The following DNAAF3 variants were observed in gnomAD, a reference collection of about 807,000 sequenced individuals.
DNAAF3 encodes dynein axonemal assembly factor 3.
In DNAAF3, 40 loss-of-function variants were observed where a neutral mutation model predicts 50.9. The ratio of observed to expected loss-of-function variants is 0.79; its 90% CI spans 0.61 to 1.02. DNAAF3 has a LOEUF of 1.02. DNAAF3 is among the 50% of genes least tolerant of loss of function. The pLI is 0.00. For synonymous variants in DNAAF3, 327 were observed against 322.8 expected, an observed-to-expected ratio of 1.01 and a Z score of -0.14; for missense variants, 763 against 744.7, an observed-to-expected ratio of 1.02 and a Z score of -0.29.
chr19:55,161,323 C>A lies in DNAAF3; in HGVS notation c.759G>T (p.Arg253=), dbSNP rs1007343163. The part of the protein sequence containing the change: ...RDSSAYHVPN[R]TLASGRLLSY... ...TCAGGAGGCGACCGGACGCCAGGGT[C>A]CGGTTGGGCACATGATAGGCGCTGG... Residue 253 remains arginine (R), a synonymous_variant, in exon 7 of 12, where the codon CGG becomes CGT. Transcript: ENST00000524407. This position sits in a 1 kb window ranked among gnomAD's most constrained non-coding sequence, Gnocchi z 6.4. The A allele has an allele frequency of 6.2e-7, 1 of 1,611,194 alleles. No homozygotes were observed. The highest frequency in any genetic ancestry group is 1.3e-5 in the African/African-American group (1 of 74,680).
chr19:55,161,128 C>T lies in DNAAF3; in HGVS notation c.849G>A (p.Val283=), dbSNP rs2085821049. 2 of 1,548,556 alleles carry T rather than the reference C, an allele frequency of 1.3e-6. No individual in the cohort carries two copies. The highest frequency in any genetic ancestry group is 1.8e-4 in the Middle Eastern group (1 of 5,432). Reference sequence around the variant, plus strand: ...CGTCGTCCGCTTCGATGCCGAAGGCCACGAAGGGCCCCGTGGCGATGTCCC... The same window carrying T: ...CGTCGTCCGCTTCGATGCCGAAGGCTACGAAGGGCCCCGTGGCGATGTCCC... ...YWGDIATGPF[V]AFGIEADDES... Residue 283 remains valine (V), a synonymous_variant, in exon 8 of 12, where the codon GTG becomes GTA. Transcript: ENST00000524407. This position sits in a 1 kb window ranked among gnomAD's most constrained non-coding sequence, Gnocchi z 6.4.
In DNAAF3 at chr19:55,161,899, T is replaced by C; in HGVS notation, c.481-74A>G. 1 of 1,360,652 alleles carries C rather than the reference T, an allele frequency of 7.3e-7. No homozygotes were observed. Among genetic ancestry groups the C allele is most frequent in the African/African-American group, 1.5e-5 (1 of 65,234 alleles). The allele number at this position is 1,360,652 out of a possible 1,614,324, so 84.3% of individuals were successfully genotyped here. ...AGGGAGAGCGGATTCTAATTGACCC[T>C]CTCTTCCATCCCAGAACAGGGGAAC... On this transcript the variant is annotated intron_variant, in intron 5 of 11. Transcript: ENST00000524407. This position sits in a 1 kb window ranked among gnomAD's most constrained non-coding sequence, Gnocchi z 6.4.
chr19:55,166,155 C>T lies in DNAAF3; in HGVS notation c.86-155G>A, dbSNP rs3848619. On this transcript the variant is annotated intron_variant, in intron 2 of 11. Coordinates refer to ENST00000524407, the MANE Select transcript of DNAAF3 (RefSeq NM_001256715.2). This position sits in a 1 kb window ranked among gnomAD's most constrained non-coding sequence, Gnocchi z 4.0. ...TTTCCTCTGAGTATTCTGGGATTCGCAGTCCGCAGACAGGACCTCGGGGCT... is the reference window on the plus strand; with the variant it reads ...TTTCCTCTGAGTATTCTGGGATTCGTAGTCCGCAGACAGGACCTCGGGGCT... 532,710 of 1,551,896 alleles carry T rather than the reference C, an allele frequency of 0.34. 94,849 individuals carry two copies. The highest frequency in any genetic ancestry group is 0.5 in the Admixed American group (25,842 of 51,198).
At position 55,161,714 on chromosome 19, in the gene DNAAF3, G is replaced by GGTAGTGGC; in HGVS notation, c.584_591dup (p.Leu198AlafsTer21). 6.5e-7 allele frequency: 1 copy of GGTAGTGGC among 1,541,556 alleles called. No homozygotes were observed. ...CGCCGGGCGTCGTAGCGGGAGCCCA[G>GGTAGTGGC]GTAGTGGCGCAGGCGCGAGTCCCAG... On this transcript the variant is annotated frameshift_variant, in exon 6 of 12. Coordinates refer to ENST00000524407, the MANE Select transcript of DNAAF3 (RefSeq NM_001256715.2). LOFTEE classifies it high-confidence loss of function. The surrounding 1 kb of genome is among the most constrained non-coding windows in gnomAD (Gnocchi z 6.4).
chr19:55,166,089 A>G lies in DNAAF3; in HGVS notation c.86-89T>C. 6.2e-7 allele frequency: 1 copy of G among 1,605,410 alleles called. No individual in the cohort carries two copies. The highest frequency in any genetic ancestry group is 8.5e-7 in the Non-Finnish European group (1 of 1,175,970). ...CTATAAAAAATGGACTACAAATCCC[A>G]GTAGGCGTTCCGCCCGTGGCCTAGG... On this transcript the variant is annotated intron_variant, in intron 2 of 11. Transcript: ENST00000524407. This position sits in a 1 kb window ranked among gnomAD's most constrained non-coding sequence, Gnocchi z 4.0.
In DNAAF3 at chr19:55,159,098, C is replaced by T. The variant is rs368857479; in HGVS notation, c.1590G>A (p.Pro530=). The part of the protein sequence containing the change: ...VLAQPQGALA[P]PNCESDSKTG... ...TTTTGGAGTCTGACTCACAGTTGGG[C>T]GGAGCCAAGGCCCCCTGAGGCTGAG... Residue 530 remains proline, a synonymous_variant, in exon 12 of 12, where the codon CCG becomes CCA. Coordinates refer to ENST00000524407, the MANE Select transcript of DNAAF3 (RefSeq NM_001256715.2). The T allele has an allele frequency of 1.7e-5, 28 of 1,608,352 alleles. No individual in the cohort carries two copies. The highest frequency in any genetic ancestry group is 2.1e-5 in the Non-Finnish European group (25 of 1,176,888).
rs1461693705 is a variant in DNAAF3, at chr19:55,166,396, G to T, written c.18C>A (p.Gly6=). 1.2e-6 allele frequency: 2 copies of T among 1,613,714 alleles called. No homozygotes were observed. The highest frequency in any genetic ancestry group is 1.7e-6 in the Non-Finnish European group (2 of 1,179,914). Reference sequence around the variant, plus strand: ...ACACGGAGCCGAAGCCGCTGCCGGAGCCGGCAGGTGTGGTCATCACCCTGC... The same window carrying T: ...ACACGGAGCCGAAGCCGCTGCCGGATCCGGCAGGTGTGGTCATCACCCTGC... MTTPA[G]SGSGFGSVSW... The change falls in exon 2 of 12, where the codon GGC becomes GGA. Residue 6 remains glycine, a synonymous_variant. Coordinates refer to ENST00000524407, the MANE Select transcript of DNAAF3 (RefSeq NM_001256715.2). The surrounding 1 kb of genome is among the most constrained non-coding windows in gnomAD (Gnocchi z 4.0).
chr19:55,162,484 G>T lies in DNAAF3; in HGVS notation c.323-194C>A, dbSNP rs1008601849. Reference sequence around the variant, plus strand: ...CGCCTGTAATCCCAGTTACTCGGGAGGCTGAGGCAGGAGAATCGCTTGAAC... The same window carrying T: ...CGCCTGTAATCCCAGTTACTCGGGATGCTGAGGCAGGAGAATCGCTTGAAC... On this transcript the variant is annotated intron_variant, in intron 4 of 11. Coordinates refer to ENST00000524407, the MANE Select transcript of DNAAF3 (RefSeq NM_001256715.2). The T allele has an allele frequency of 3.7e-6, 3 of 815,038 alleles. No homozygotes were observed. The African/African-American group carries it at 5.4e-5, about 15-fold the overall frequency. The allele number at this position is 815,038 out of a possible 1,614,324, so 50.5% of individuals were successfully genotyped here.
At position 55,160,878 on chromosome 19, in the gene DNAAF3, T is replaced by C. The variant is rs898853677; in HGVS notation, c.913-103A>G. 7 of 1,487,758 alleles carry C rather than the reference T, an allele frequency of 4.7e-6. No homozygotes were observed. The highest frequency in any genetic ancestry group is 6.2e-6 in the Non-Finnish European group (7 of 1,124,022). The allele number at this position is 1,487,758 out of a possible 1,614,324, so 92.2% of individuals were successfully genotyped here. ...CCAGGACTAGAACTCCCGCAGCTGC[T>C]TGGAGGATGTGAAGTGGGGCGGGAC... On this transcript the variant is annotated intron_variant, in intron 8 of 11. Coordinates refer to ENST00000524407, the MANE Select transcript of DNAAF3 (RefSeq NM_001256715.2). The surrounding 1 kb of genome is among the most constrained non-coding windows in gnomAD (Gnocchi z 4.7).
chr19:55,166,147 G>A lies in DNAAF3; in HGVS notation c.86-147C>T. 1 of 1,555,384 alleles carries A rather than the reference G, an allele frequency of 6.4e-7. No homozygotes were observed. Among genetic ancestry groups the A allele is most frequent in the East Asian group, 2.4e-5 (1 of 41,290 alleles). ...GGGAGGTGTTTCCTCTGAGTATTCT[G>A]GGATTCGCAGTCCGCAGACAGGACC... On this transcript the variant is annotated intron_variant, in intron 2 of 11. Coordinates refer to ENST00000524407, the MANE Select transcript of DNAAF3 (RefSeq NM_001256715.2). This position sits in a 1 kb window ranked among gnomAD's most constrained non-coding sequence, Gnocchi z 4.0.
chr19:55,162,177 G>A lies in DNAAF3; in HGVS notation c.436C>T (p.Arg146Cys), dbSNP rs920046859. 8.0e-7 allele frequency: 1 copy of A among 1,252,700 alleles called. No individual in the cohort carries two copies. The highest frequency in any genetic ancestry group is 1.0e-6 in the Non-Finnish European group (1 of 991,290). The allele number at this position is 1,252,700 out of a possible 1,614,324, so 77.6% of individuals were successfully genotyped here. A position where few individuals can be genotyped will look rare whatever the true frequency, so the allele number is the denominator to read the frequency against. Residue 146 changes from arginine to cysteine, a missense_variant, in exon 5 of 12, where the codon CGC becomes TGC. Transcript: ENST00000524407. ...LLAHLVPEPD[R>C]LEEQLPWLSL... ...AGCCAGGGCAGCTGTTCCTCCAGGC[G>A]GTCGGGCTCGGGGACCAGGTGCGCC... is the stretch of plus-strand genomic sequence containing the variant.
In DNAAF3 at chr19:55,165,922, A is replaced by T. The variant is rs761210447; in HGVS notation, c.164T>A (p.Val55Glu). 6.2e-7 allele frequency: 1 copy of T among 1,614,052 alleles called. No homozygotes were observed. Among genetic ancestry groups the T allele is most frequent in the Non-Finnish European group, 8.5e-7 (1 of 1,180,026 alleles). The change falls in exon 3 of 12, where the codon GTG becomes GAG. Residue 55 changes from valine (V) to glutamate (E), a missense_variant. Physicochemically the swap from Val to Glu is moderately radical, Grantham distance 121. Transcript: ENST00000524407. Reference sequence around the variant, plus strand: ...GGTCCGCAGCAGGTGCCGTCCATCCACAGAGCCCAGAAGCAGCACATCTAG... The same window carrying T: ...GGTCCGCAGCAGGTGCCGTCCATCCTCAGAGCCCAGAAGCAGCACATCTAG... ...PELDVLLLGS[V>E]DGRHLLRTLS...
In DNAAF3 at chr19:55,161,829, C is replaced by T. The variant is rs1431269121; in HGVS notation, c.481-4G>A. 2.1e-6 allele frequency: 3 copies of T among 1,432,166 alleles called. No individual in the cohort carries two copies. The highest frequency in any genetic ancestry group is 1.8e-6 in the Non-Finnish European group (2 of 1,094,834). 88.7% of individuals were successfully genotyped at this position (1,432,166 alleles called of 1,614,324 possible). A position where few individuals can be genotyped will look rare whatever the true frequency, so the allele number is the denominator to read the frequency against. On this transcript the variant is annotated splice_region_variant and splice_polypyrimidine_tract_variant and intron_variant, in intron 5 of 11. Coordinates refer to ENST00000524407, the MANE Select transcript of DNAAF3 (RefSeq NM_001256715.2). The surrounding 1 kb of genome is among the most constrained non-coding windows in gnomAD (Gnocchi z 6.4). Reference sequence around the variant, plus strand: ...CCAGGGCATCCCGCTCGCGGAACTGCGGGGCCAGGCACGCGGTGGGACAGA... The same window carrying T: ...CCAGGGCATCCCGCTCGCGGAACTGTGGGGCCAGGCACGCGGTGGGACAGA...
chr19:55,163,772 A>G (rs767706496), intron 4 of DNAAF3, among the ~76,000 whole-genome samples: 63 of 152,230 alleles, frequency 4.1e-4, no homozygotes, highest in Admixed American at 7.2e-4. Context: ...GAAGAGAACT[A>G]TGTGCCTTTA....
At position 55,166,456 on chromosome 19, in the gene DNAAF3, G is replaced by T; in HGVS notation, c.-4-39C>A. On this transcript the variant is annotated intron_variant, in intron 1 of 11. Coordinates refer to ENST00000524407, the MANE Select transcript of DNAAF3 (RefSeq NM_001256715.2). This position sits in a 1 kb window ranked among gnomAD's most constrained non-coding sequence, Gnocchi z 4.0. ...ATTCTGGGAATCGCACACATTGCCC[G>T]CCCCGCTCCCCTCTCACCGCCCCTC... 6.2e-7 allele frequency: 1 copy of T among 1,612,848 alleles called. No individual in the cohort carries two copies. The highest frequency in any genetic ancestry group is 8.5e-7 in the Non-Finnish European group (1 of 1,179,102).
chr19:55,162,123 G>A lies in DNAAF3; in HGVS notation c.480+10C>T, dbSNP rs1389141522. 5 of 1,245,714 alleles carry A rather than the reference G, an allele frequency of 4.0e-6. No individual in the cohort carries two copies. The highest frequency in any genetic ancestry group is 5.0e-6 in the Non-Finnish European group (5 of 990,530). 77.2% of individuals were successfully genotyped at this position (1,245,714 alleles called of 1,614,324 possible). ...CCACCCGATCCCAGATGGAGGCCGGGCGGCGGCACCTTGAGGGCGCGGAGG... is the reference window on the plus strand; with the variant it reads ...CCACCCGATCCCAGATGGAGGCCGGACGGCGGCACCTTGAGGGCGCGGAGG... On this transcript the variant is annotated intron_variant, in intron 5 of 11. Coordinates refer to ENST00000524407, the MANE Select transcript of DNAAF3 (RefSeq NM_001256715.2).
intron 4 of DNAAF3, 21 bp from the exon 5 acceptor site, chr19:55,162,311 T>C (rs567554040): frequency 8.0e-7 from 1 of 1,249,598 alleles, no homozygotes; most frequent in East Asian, 3.2e-5. Context: ...AGGGAGATAA[T>C]TGCGGGAATG....
Position 55,160,759 on chromosome 19 carries a change from G to C in DNAAF3, c.929C>G (p.Thr310Ser), listed in dbSNP as rs781136508. 9.3e-6 allele frequency: 15 copies of C among 1,611,430 alleles called. No homozygotes were observed. In the African/African-American group the frequency reaches 1.9e-4, roughly 20 times the overall value. Residue 310 changes from threonine (T) to serine (S), a missense_variant, in exon 9 of 12, where the codon ACT becomes AGT. Thr to Ser is a moderately conservative substitution (Grantham distance 58, BLOSUM62 1). Coordinates refer to ENST00000524407, the MANE Select transcript of DNAAF3 (RefSeq NM_001256715.2). The surrounding 1 kb of genome is among the most constrained non-coding windows in gnomAD (Gnocchi z 4.7). Reference sequence around the variant, plus strand: ...GAGCAGCTCCGTCACGTTGTGTTGAGTGATCTCCCCGGCCGTCTAACAGTA... The same window carrying C: ...GAGCAGCTCCGTCACGTTGTGTTGACTGATCTCCCCGGCCGTCTAACAGTA... ...GQPVKTAGEI[T>S]QHNVTELLRD...
chr19:55,165,587 T>G, intron 3 of DNAAF3, 124 bp from the exon 4 acceptor site: 1 of 1,023,566 alleles, frequency 9.8e-7, no homozygotes, highest in South Asian at 1.5e-5. Context: ...AGCCTCTTCC[T>G]TCAAACACAG....
Sources: allele counts gnomAD v4.1 joint callset (sites outside exome capture counted in the v4.1 genomes callset), GRCh38; gene constraint gnomAD v4.1.1; non-coding constraint Gnocchi (gnomAD v3.1); transcripts MANE v1.5; gene names NCBI Gene and HGNC (gene_info 2026-07-23, HGNC 2026-07-21).